ASIC2: variants seen among roughly 807,000 people sequenced by gnomAD.
The protein encoded by ASIC2 is acid-sensing ion channel 2.
A neutral mutation model predicts 57.3 loss-of-function variants in ASIC2; 25 were observed. That is an observed-to-expected ratio of 0.44 (90% confidence interval 0.32 to 0.61). The LOEUF (loss-of-function observed/expected upper bound fraction) is 0.61, where lower values mean the gene tolerates loss of function less well. Ranked by LOEUF, ASIC2 falls within the 20% of genes least tolerant of loss-of-function variation. The pLI, the probability that ASIC2 is intolerant of heterozygous loss-of-function variation, is 0.06. For synonymous variants in ASIC2, 319 were observed against 307.5 expected (o/e 1.04, Z -0.39); for missense variants, 641 against 738.1 (o/e 0.87, Z 1.52).
chr17:33,873,095 T>C (rs368592133), intron 1 of ASIC2, among the ~76,000 whole-genome samples: 1 of 152,224 alleles, frequency 6.6e-6, no homozygotes, highest in African/African-American at 2.4e-5. Context: ...TTCTCCTTCA[T>C]CAGCCCACTC....
In ASIC2 at chr17:33,293,286, C is replaced by G. The variant is rs578171515; in HGVS notation, c.-1171G>C. Among the ~76,000 whole-genome samples the G allele has an allele frequency of 5.9e-5, 9 of 152,100 alleles. No homozygotes were observed. The South Asian group carries it at 1.9e-3, about 31-fold the overall frequency. On this transcript the variant is annotated 5_prime_UTR_variant, in exon 1 of 10. Transcript: ENST00000225823. Reference sequence around the variant, plus strand: ...GCACCTGCTCCTCAGCTCGCTGGCCCCGCGGCTCCGGGCGGGCGGGGCGGC... The same window carrying G: ...GCACCTGCTCCTCAGCTCGCTGGCCGCGCGGCTCCGGGCGGGCGGGGCGGC...
chr17:34,075,697 CCTT>C (rs1356200603), intron 1 of ASIC2, among the ~76,000 whole-genome samples: 1 of 152,138 alleles, frequency 6.6e-6, no homozygotes, highest in Non-Finnish European at 1.5e-5. Flanking sequence ...TCCTCTCCAG[CCTT>C]CTTTCTATTC....
In ASIC2 at chr17:33,733,193, A is replaced by G. The variant is rs150081381; in HGVS notation, c.555+422785T>C. 5.2e-3 allele frequency among the ~76,000 whole-genome samples: 796 copies of G among 152,306 alleles called. 19 individuals carry two copies. The highest frequency in any genetic ancestry group is 0.045 in the Admixed American group (689 of 15,302). On this transcript the variant is annotated intron_variant, in intron 1 of 9. Coordinates refer to the ASIC2 transcript ENST00000359872. ...TGACTCCAACCTCTGCAGGAAAGAA[A>G]AGGGTCCAGTGCAAGAGAGACGGAT...
intron 1 of ASIC2, among the ~76,000 whole-genome samples, chr17:33,829,137 C>A (rs1196922598): frequency 1.3e-5 from 2 of 152,104 alleles, no homozygotes; most frequent in Non-Finnish European, 2.9e-5. Context: ...AAGGTCTTCC[C>A]TGAGAAAGAG....
chr17:33,963,428 G>A (rs995764617), intron 1 of ASIC2, among the ~76,000 whole-genome samples: 2 of 152,272 alleles, frequency 1.3e-5, no homozygotes, highest in East Asian at 3.9e-4. Context: ...ATGAAGCACA[G>A]AGAGAAAAAT....
chr17:33,202,749 A>G (rs1455792790), intron 1 of ASIC2, among the ~76,000 whole-genome samples: 4 of 152,216 alleles, frequency 2.6e-5, no homozygotes, highest in Non-Finnish European at 5.9e-5. Context: ...GGGTGTCTAC[A>G]TGGCTCCTTC....
chr17:33,902,295 T>G (rs1310572197), intron 1 of ASIC2, among the ~76,000 whole-genome samples: 1 of 152,140 alleles, frequency 6.6e-6, no homozygotes, highest in African/African-American at 2.4e-5. Flanking sequence ...CTACCCAGAG[T>G]TGTTTCTATT....
At chr17:33,632,522 C>T (rs1906208326) in intron 1 of ASIC2, among the ~76,000 whole-genome samples, 1 of 152,106 alleles carries the variant, frequency 6.6e-6, no homozygotes, top group Non-Finnish European at 1.5e-5. Context: ...CAACCCTTGA[C>T]CATGAGCCCC....
intron 1 of ASIC2, among the ~76,000 whole-genome samples, chr17:33,732,453 C>T (rs772006517): frequency 1.3e-5 from 2 of 151,114 alleles, no homozygotes; most frequent in East Asian, 1.9e-4. Flanking sequence ...TCTATACCTC[C>T]ATGTTCTTTT....
At chr17:33,042,044 C>T (rs1186657517) in intron 3 of ASIC2, among the ~76,000 whole-genome samples, 1 of 152,156 alleles carries the variant, frequency 6.6e-6, no homozygotes, top group Non-Finnish European at 1.5e-5. Flanking sequence ...CTTTTTGAGC[C>T]ATAATGTTCA....
At chr17:34,129,156 A>G (rs988873864) in intron 1 of ASIC2, among the ~76,000 whole-genome samples, 7 of 152,200 alleles carry the variant, frequency 4.6e-5, no homozygotes, top group African/African-American at 1.4e-4. Context: ...AATACCTATT[A>G]CACGTCAAGC....
chr17:33,444,805 T>C (rs556582550), intron 1 of ASIC2, among the ~76,000 whole-genome samples: 2 of 152,202 alleles, frequency 1.3e-5, no homozygotes, highest in African/African-American at 2.4e-5. Flanking sequence ...CAGCCCTAAC[T>C]TGACCATAAA....
intron 1 of ASIC2, among the ~76,000 whole-genome samples, chr17:33,337,262 T>A (rs1455317666): frequency 6.6e-6 from 1 of 152,182 alleles, no homozygotes; most frequent in African/African-American, 2.4e-5. Flanking sequence ...CACCAATTAA[T>A]AGATTAATAA....
At chr17:33,897,660 C>T (rs1469005456) in intron 1 of ASIC2, among the ~76,000 whole-genome samples, 1 of 152,212 alleles carries the variant, frequency 6.6e-6, no homozygotes, top group Non-Finnish European at 1.5e-5. Context: ...TAGTTAATAT[C>T]CCTGGAAGGC....
chr17:33,677,009 C>T (rs946502085), intron 1 of ASIC2, among the ~76,000 whole-genome samples: 6 of 152,204 alleles, frequency 3.9e-5, no homozygotes, highest in African/African-American at 1.2e-4. Flanking sequence ...GTGAAGTACC[C>T]GCTCCTGCTT....
chr17:33,218,834 A>G (rs1907594769), intron 1 of ASIC2, among the ~76,000 whole-genome samples: 1 of 150,018 alleles, frequency 6.7e-6, no homozygotes, highest in Non-Finnish European at 1.5e-5. Context: ...TCTCCTTACC[A>G]CTTCACCCCT....
intron 1 of ASIC2, among the ~76,000 whole-genome samples, chr17:33,912,522 A>C (rs1915490225): frequency 6.6e-6 from 1 of 152,054 alleles, no homozygotes; most frequent in African/African-American, 2.4e-5. Context: ...AAATAAAAAT[A>C]GTAAATCTTT....
intron 1 of ASIC2, among the ~76,000 whole-genome samples, chr17:33,625,409 C>G (rs1270604349): frequency 6.6e-6 from 1 of 152,124 alleles, no homozygotes; most frequent in Non-Finnish European, 1.5e-5. Context: ...AGATAAGTAT[C>G]CTTCCCCACT....
intron 1 of ASIC2, among the ~76,000 whole-genome samples, chr17:33,738,110 A>G (rs1377667109): frequency 6.6e-6 from 1 of 152,168 alleles, no homozygotes; most frequent in Non-Finnish European, 1.5e-5. Context: ...GTAAGACCAA[A>G]GGCTTGCATT....
Sources: gnomAD v4.1 joint callset for allele counts (sites outside exome capture counted in the v4.1 genomes callset) on GRCh38, gnomAD v4.1.1 for gene constraint, MANE v1.5 for transcripts, NCBI Gene and HGNC (gene_info 2026-07-23, HGNC 2026-07-21) for gene names.